The following PPP2R5C variants were observed in gnomAD, a reference collection of about 807,000 sequenced individuals.
PPP2R5C encodes protein phosphatase 2 regulatory subunit B'gamma, also known as serine/threonine-protein phosphatase 2A 56 kDa regulatory subunit gamma isoform.
In PPP2R5C, 7 loss-of-function variants were observed where a neutral mutation model predicts 68.9. The observed-to-expected ratio is 0.10, with a 90% CI of 0.06 to 0.19. The LOEUF is 0.19. Ranked by LOEUF, PPP2R5C falls within the 10% of genes least tolerant of loss-of-function variation. The pLI is 1.00. For missense variants in PPP2R5C, 348 were observed against 641.3 expected (o/e 0.54, Z 4.94); for synonymous variants, 210 against 222.2 (o/e 0.95, Z 0.49).
In PPP2R5C at chr14:101,771,202, A is replaced by G. The variant is rs60806357; in HGVS notation, c.93+8232A>G. On this transcript the variant is annotated intron_variant, in intron 2 of 14. Coordinates refer to the PPP2R5C transcript ENST00000328724. ...GGGAAAAAAATGCTTTATTAAGGGC[A>G]TTTGGCTTTTTCTTCATCTCGTGTG... Among the ~76,000 whole-genome samples, 1,114 of 145,834 alleles carry G rather than the reference A, an allele frequency of 7.6e-3. 26 individuals carry two copies. The highest frequency in any genetic ancestry group is 0.053 in the Admixed American group (765 of 14,466).
chr14:101,913,937 A>G lies in PPP2R5C; in HGVS notation c.1326+1464A>G, dbSNP rs2046519301. On this transcript the variant is annotated intron_variant, in intron 12 of 13. Coordinates refer to ENST00000334743, the Ensembl canonical transcript of PPP2R5C. The surrounding 1 kb of genome is among the most constrained non-coding windows in gnomAD (Gnocchi z 4.1). ...AGGTCTGATTTTATGTACCTAGAAT[A>G]TAGAGATAACTTATTGAAAAATTGC... Among the ~76,000 whole-genome samples the G allele has an allele frequency of 6.6e-6, 1 of 152,224 alleles. No individual in the cohort carries two copies. The highest frequency in any genetic ancestry group is 2.4e-5 in the African/African-American group (1 of 41,454).
At chr14:101,902,268 G>A (rs1429214136) in intron 9 of PPP2R5C, among the ~76,000 whole-genome samples, 1 of 152,116 alleles carries the variant, frequency 6.6e-6, no homozygotes, top group Non-Finnish European at 1.5e-5. Context: ...GAGGCCCTTC[G>A]TTCCTGACAC....
In PPP2R5C at chr14:101,899,156, T is replaced by G. The variant is rs1336345091; in HGVS notation, c.853-2563T>G. On this transcript the variant is annotated intron_variant, in intron 8 of 13. Transcript: ENST00000334743. The surrounding 1 kb of genome is among the most constrained non-coding windows in gnomAD (Gnocchi z 4.2). ...AGCTTTCTGGGCACATGAAACACTT[T>G]CTCTGTTGGAAGAATAACAAAAGCT... 6.6e-6 allele frequency among the ~76,000 whole-genome samples: 1 copy of G among 152,264 alleles called. No individual in the cohort carries two copies. Among genetic ancestry groups the G allele is most frequent in the African/African-American group, 2.4e-5 (1 of 41,462 alleles).
chr14:101,815,792 C>T (rs2039625333), intron 1 of PPP2R5C, among the ~76,000 whole-genome samples: 1 of 152,184 alleles, frequency 6.6e-6, no homozygotes, highest in African/African-American at 2.4e-5. Context: ...GCGTCAGCCT[C>T]CCGAGTAGCT....
chr14:101,816,017 C>T (rs1238616473), intron 1 of PPP2R5C, among the ~76,000 whole-genome samples: 4 of 152,228 alleles, frequency 2.6e-5, no homozygotes, highest in Non-Finnish European at 5.9e-5. Context: ...GAATGAGAAG[C>T]TCATGAGAAG....
At chr14:101,880,508 A>G (rs1430184153) in intron 2 of PPP2R5C, among the ~76,000 whole-genome samples, 2 of 152,254 alleles carry the variant, frequency 1.3e-5, no homozygotes, top group Admixed American at 1.3e-4. Context: ...AAAGAAGGGA[A>G]GAAACAGGCA....
intron 1 of PPP2R5C, chr14:101,819,068 G>A (rs1403414325): frequency 8.4e-6 from 13 of 1,550,792 alleles, no homozygotes; most frequent in Middle Eastern, 1.7e-4. Flanking sequence ...CTTATTTTTG[G>A]TGGGCTTCAA....
intron 3 of PPP2R5C, chr14:101,803,225 T>C (rs1479385910): frequency 1.3e-5 from 2 of 152,038 alleles, no homozygotes. Flanking sequence ...ACAATAAAAA[T>C]AGTGCTCGCT....
chr14:101,777,765 G>A (rs935930424), intron 2 of PPP2R5C, among the ~76,000 whole-genome samples: 5 of 152,040 alleles, frequency 3.3e-5, no homozygotes, highest in Admixed American at 2.0e-4. Flanking sequence ...GTAGTTCCAC[G>A]TCCTTTATGA....
At chr14:101,897,645 C>T (rs2045425745) in intron 8 of PPP2R5C, among the ~76,000 whole-genome samples, 1 of 151,936 alleles carries the variant, frequency 6.6e-6, no homozygotes, top group Non-Finnish European at 1.5e-5. Context: ...TTAGGTGGTG[C>T]CCACCCCCAT....
At chr14:101,883,703 G>T in intron 5 of PPP2R5C, 141 bp downstream of exon 7, 1 of 1,158,266 alleles carries the variant, frequency 8.6e-7, no homozygotes, top group East Asian at 2.4e-5. Context: ...ATGTGCAGGT[G>T]GACCCCCTTG....
At chr14:101,872,599 CTT>C (rs763586006) in intron 2 of PPP2R5C, among the ~76,000 whole-genome samples, 2 of 152,116 alleles carry the variant, frequency 1.3e-5, no homozygotes, top group Non-Finnish European at 2.9e-5. Context: ...CCTTGAAAAA[CTT>C]TTGCTCGCCT....
intron 2 of PPP2R5C, among the ~76,000 whole-genome samples, chr14:101,764,468 G>A (rs1271887373): frequency 1.3e-5 from 2 of 152,200 alleles, no homozygotes; most frequent in Non-Finnish European, 2.9e-5. Flanking sequence ...GTTAACTGGC[G>A]ATGATCTGCA....
intron 1 of PPP2R5C, among the ~76,000 whole-genome samples, chr14:101,812,926 G>T (rs2039452885): frequency 6.6e-6 from 1 of 152,212 alleles, no homozygotes; most frequent in Non-Finnish European, 1.5e-5. Flanking sequence ...TGGTGAATTT[G>T]CACATCCTAA....
At chr14:101,905,970 C>A (rs1162197346) in intron 9 of PPP2R5C, among the ~76,000 whole-genome samples, 1 of 152,236 alleles carries the variant, frequency 6.6e-6, no homozygotes, top group Non-Finnish European at 1.5e-5. Flanking sequence ...CATCACCTGT[C>A]TCCTCCCCAC....
chr14:101,797,326 G>T lies in PPP2R5C; in HGVS notation c.259+11143G>T, dbSNP rs1462034378. 2.2e-6 allele frequency: 1 copy of T among 455,868 alleles called. No individual in the cohort carries two copies. Among genetic ancestry groups the T allele is most frequent in the African/African-American group, 2.0e-5 (1 of 50,066 alleles). The allele number at this position is 455,868 out of a possible 1,614,324, so 28.2% of individuals were successfully genotyped here. A position where few individuals can be genotyped will look rare whatever the true frequency, so the allele number is the denominator to read the frequency against. Reference sequence around the variant, plus strand: ...TATCCCCCAATCAGTGGATGGACGCGTGGGTTGCAGAGCACGCCACACACA... The same window carrying T: ...TATCCCCCAATCAGTGGATGGACGCTTGGGTTGCAGAGCACGCCACACACA... On this transcript the variant is annotated intron_variant, in intron 3 of 14. Transcript: ENST00000328724. The surrounding 1 kb of genome is among the most constrained non-coding windows in gnomAD (Gnocchi z 4.2).
chr14:101,784,082 G>A (rs1020223359), intron 2 of PPP2R5C, among the ~76,000 whole-genome samples: 5 of 152,214 alleles, frequency 3.3e-5, no homozygotes, highest in Non-Finnish European at 5.9e-5. Context: ...CACAGACTGA[G>A]GGAGAGAAGG....
chr14:101,828,494 C>T (rs1158409415), intron 1 of PPP2R5C, among the ~76,000 whole-genome samples: 3 of 151,932 alleles, frequency 2.0e-5, no homozygotes, highest in African/African-American at 2.4e-5. Flanking sequence ...AGAGGATATA[C>T]ATCAAGGCAA....
chr14:101,802,267 C>T (rs952842914), intron 3 of PPP2R5C, among the ~76,000 whole-genome samples: 5 of 152,096 alleles, frequency 3.3e-5, no homozygotes, highest in African/African-American at 1.2e-4. Flanking sequence ...ACAAAATTAG[C>T]TGGGTGTGTT....
Sources: allele counts gnomAD v4.1 joint callset (sites outside exome capture counted in the v4.1 genomes callset), GRCh38; gene constraint gnomAD v4.1.1; non-coding constraint Gnocchi (gnomAD v3.1); transcripts MANE v1.5; gene names NCBI Gene and HGNC (gene_info 2026-07-23, HGNC 2026-07-21).